Variants in DIP2C observed in about 807,000 individuals in gnomAD.
The protein encoded by DIP2C is DIP2 acetate--CoA ligase C (putative).
In DIP2C, 33 loss-of-function variants were observed where a neutral mutation model predicts 192.4. The observed-to-expected ratio is 0.17, with a 90% confidence interval of 0.13 to 0.23. The LOEUF is 0.23. Among genes scored for constraint, DIP2C ranks in the 10% least tolerant of loss-of-function variants. The pLI, the probability that DIP2C is intolerant of heterozygous loss-of-function variation, is 1.00. For synonymous variants in DIP2C, 979 were observed against 864.1 expected, an observed-to-expected ratio of 1.13 and a Z score of -2.33; for missense variants, 1,537 against 2,110.1, an observed-to-expected ratio of 0.73 and a Z score of 5.32.
intron 2 of DIP2C, among the ~76,000 whole-genome samples, chr10:485,742 T>G (rs1278371079): frequency 1.3e-5 from 2 of 152,228 alleles, no homozygotes; most frequent in African/African-American, 4.8e-5. Flanking sequence ...CTTTAAAATT[T>G]ATGTTGCTAG....
chr10:389,863 T>C (rs561282100), intron 13 of DIP2C, 128 bp downstream of exon 13: 10 of 746,780 alleles, frequency 1.3e-5, no homozygotes, highest in African/African-American at 1.1e-4. Context: ...CAACAATAAG[T>C]TCATGTCAGC....
chr10:336,216 A>C (rs1262465470), intron 29 of DIP2C, among the ~76,000 whole-genome samples: 1 of 152,212 alleles, frequency 6.6e-6, no homozygotes, highest in African/African-American at 2.4e-5. Context: ...AAAAAAATTT[A>C]AAAATCAGCA....
chr10:469,565 C>T (rs1225813750), intron 3 of DIP2C, among the ~76,000 whole-genome samples: 3 of 152,152 alleles, frequency 2.0e-5, no homozygotes, highest in Admixed American at 1.3e-4. Context: ...GATCTGCCCG[C>T]CTCGGCCTCC....
intron 1 of DIP2C, among the ~76,000 whole-genome samples, chr10:671,174 A>G (rs1443120975): frequency 6.6e-6 from 1 of 152,230 alleles, no homozygotes; most frequent in Non-Finnish European, 1.5e-5. Context: ...CACACAGGGG[A>G]CACATGCCAC....
At chr10:430,324 T>A (rs1966845296) in intron 4 of DIP2C, 1 of 152,142 alleles carries the variant, frequency 6.6e-6, no homozygotes, top group Non-Finnish European at 1.5e-5. Flanking sequence ...AATTCTGACC[T>A]CCTCCATTTC....
intron 1 of DIP2C, among the ~76,000 whole-genome samples, chr10:671,414 CGGA>C: frequency 7.1e-6 from 1 of 140,228 alleles, no homozygotes; most frequent in African/African-American, 2.7e-5. Context: ...CACAGACGCA[CGGA>C]CGGAGGAAAC....
chr10:401,933 C>T (rs1964484870), intron 9 of DIP2C, among the ~76,000 whole-genome samples: 2 of 150,028 alleles, frequency 1.3e-5, no homozygotes, highest in South Asian at 2.1e-4. Flanking sequence ...ATTAGCGTTA[C>T]TCTTCCTTAT....
chr10:435,809 GTTCT>G (rs1170948527), intron 4 of DIP2C, among the ~76,000 whole-genome samples: 1 of 151,896 alleles, frequency 6.6e-6, no homozygotes, highest in African/African-American at 2.4e-5. Flanking sequence ...TTTTCTTTTC[GTTCT>G]TTGACACATT....
chr10:419,551 C>T (rs1338687880), intron 5 of DIP2C, among the ~76,000 whole-genome samples: 3 of 152,150 alleles, frequency 2.0e-5, no homozygotes, highest in Non-Finnish European at 4.4e-5. Flanking sequence ...CTGCCACAGT[C>T]GACGCAGCCA....
chr10:366,581 G>T lies in DIP2C; in HGVS notation c.2132-170C>A, dbSNP rs192507931. Among the ~76,000 whole-genome samples the T allele has an allele frequency of 9.5e-4, 145 of 152,304 alleles. 1 individual carries two copies. Among genetic ancestry groups the T allele is most frequent in the African/African-American group, 3.3e-3 (137 of 41,564 alleles). ...ACTCATTTTCCCTAAAGAGCCATGA[G>T]TTTTCCTGTTGCAGCAACATGTCAA... On this transcript the variant is annotated intron_variant, in intron 18 of 36. Transcript: ENST00000280886.
chr10:367,210 G>T (rs1960351658), intron 18 of DIP2C, among the ~76,000 whole-genome samples: 1 of 152,322 alleles, frequency 6.6e-6, no homozygotes, highest in Admixed American at 6.5e-5. Flanking sequence ...AAGGTCAGGA[G>T]ATCGAGACCA....
intron 1 of DIP2C, among the ~76,000 whole-genome samples, chr10:682,906 C>G (rs1025017474): frequency 2.0e-5 from 3 of 152,180 alleles, no homozygotes; most frequent in African/African-American, 7.2e-5. Flanking sequence ...GATTTAAAAC[C>G]AGGAGCCCAA....
intron 17 of DIP2C, chr10:370,080 A>C (rs1960781110): frequency 1.8e-5 from 18 of 980,494 alleles, no homozygotes; most frequent in Non-Finnish European, 2.2e-5. Flanking sequence ...AACAGCAATG[A>C]TGGAAATCCT....
chr10:602,539 T>A (rs1397656843), intron 1 of DIP2C, among the ~76,000 whole-genome samples: 1 of 152,282 alleles, frequency 6.6e-6, no homozygotes, highest in African/African-American at 2.4e-5. Context: ...CTCCTGCTCC[T>A]CCGCCACGTG....
intron 1 of DIP2C, among the ~76,000 whole-genome samples, chr10:527,209 C>T (rs754907024): frequency 1.3e-5 from 2 of 152,210 alleles, no homozygotes; most frequent in Non-Finnish European, 2.9e-5. Context: ...GGTGCATCTG[C>T]AGCTGTTTAT....
chr10:578,598 A>AAC, intron 1 of DIP2C, among the ~76,000 whole-genome samples: 1 of 152,314 alleles, frequency 6.6e-6, no homozygotes, highest in South Asian at 2.1e-4. Flanking sequence ...GCTTGTAATG[A>AAC]ACAACTGTTT....
At chr10:462,491 G>A (rs1218919358) in intron 3 of DIP2C, among the ~76,000 whole-genome samples, 1 of 152,136 alleles carries the variant, frequency 6.6e-6, no homozygotes, top group Non-Finnish European at 1.5e-5. Context: ...CTGAATCCCT[G>A]AATAGACCAA....
rs540988412 is a variant in DIP2C, at chr10:303,102, C to T, written c.3986+6929G>A. ...TTGTAAGCTAAGACATCACCGCACG[C>T]GGCTGTAGACTTCATAAACACTGTA... On this transcript the variant is annotated intron_variant, in intron 32 of 36. Transcript: ENST00000280886. Among the ~76,000 whole-genome samples the T allele has an allele frequency of 7.9e-5, 12 of 152,264 alleles. No homozygotes were observed. The South Asian group carries it at 1.0e-3, about 13-fold the overall frequency.
chr10:409,162 AG>A, intron 8 of DIP2C, 145 bp from the exon 9 acceptor site: 1 of 676,502 alleles, frequency 1.5e-6, no homozygotes, highest in Non-Finnish European at 2.5e-6. Context: ...AGCTGAGCAA[AG>A]GGGGAACTGG....
Sources: allele counts gnomAD v4.1 joint callset (sites outside exome capture counted in the v4.1 genomes callset), GRCh38; gene constraint gnomAD v4.1.1; transcripts MANE v1.5; gene names NCBI Gene and HGNC (gene_info 2026-07-23, HGNC 2026-07-21).